Variants in DMRT3 observed in about 807,000 individuals in gnomAD.
DMRT3 encodes the protein doublesex- and mab-3-related transcription factor 3.
A neutral mutation model predicts 34.9 loss-of-function variants in DMRT3; 29 were observed. The ratio of observed to expected loss-of-function variants is 0.83; its 90% CI spans 0.62 to 1.13. DMRT3 has a LOEUF of 1.13. Ranked by LOEUF, DMRT3 falls within the 50% of genes most tolerant of loss-of-function variation. DMRT3 has a pLI of 0.00. For synonymous variants in DMRT3, 350 were observed against 286.0 expected (o/e 1.22, Z -2.26); for missense variants, 772 against 629.1 (o/e 1.23, Z -2.43).
At position 990,558 on chromosome 9, in the gene DMRT3, G is replaced by C; in HGVS notation, c.972G>C (p.Ser324=). 1 of 1,613,970 alleles carries C rather than the reference G, an allele frequency of 6.2e-7. No homozygotes were observed. The part of the protein sequence containing the change: ...FEHTLSSYPI[S]SSKWSVGSAF... ...ACACCTTGAGCTCCTACCCCATCTC[G>C]TCTTCCAAATGGTCTGTGGGATCAG... The change falls in exon 2 of 2, where the codon TCG becomes TCC. Residue 324 remains serine (S), a synonymous_variant. Transcript: ENST00000190165.
intron 1 of DMRT3, among the ~76,000 whole-genome samples, chr9:979,585 G>T (rs279886): frequency 0.79 from 120,104 of 151,870 alleles, 47,634 homozygotes; most frequent in South Asian, 0.87. Context: ...TTCACTTGCT[G>T]TGACCCCATA....
chr9:980,335 C>G (rs1172362209), intron 1 of DMRT3, among the ~76,000 whole-genome samples: 2 of 151,924 alleles, frequency 1.3e-5, no homozygotes, highest in African/African-American at 2.4e-5. Context: ...GTTGAATATC[C>G]CTTTCAATGT....
At position 991,205 on chromosome 9, in the gene DMRT3, T is replaced by C; in HGVS notation, c.*200T>C. On this transcript the variant is annotated 3_prime_UTR_variant, in exon 2 of 2. Transcript: ENST00000190165. ...TGGAAAATGCCAAATAGCTCTGTTC[T>C]GTGGCTTTAGTGCTGAATGTTTATT... 1 of 622,418 alleles carries C rather than the reference T, an allele frequency of 1.6e-6. No individual in the cohort carries two copies. Among genetic ancestry groups the C allele is most frequent in the South Asian group, 2.4e-5 (1 of 41,830 alleles). The allele number at this position is 622,418 out of a possible 1,614,324, so 38.6% of individuals were successfully genotyped here. A position where few individuals can be genotyped will look rare whatever the true frequency, so the allele number is the denominator to read the frequency against.
chr9:978,649 G>GT (rs1436581254), intron 1 of DMRT3, among the ~76,000 whole-genome samples: 2 of 152,204 alleles, frequency 1.3e-5, no homozygotes, highest in Non-Finnish European at 2.9e-5. Flanking sequence ...GGACTCACCT[G>GT]TTTCATGGTG....
At chr9:982,920 G>A (rs1820239763) in intron 1 of DMRT3, among the ~76,000 whole-genome samples, 1 of 152,076 alleles carries the variant, frequency 6.6e-6, no homozygotes, top group Non-Finnish European at 1.5e-5. Flanking sequence ...GGACCTCCTT[G>A]TCTAGTCCTG....
In DMRT3 at chr9:990,991, A is replaced by C; in HGVS notation, c.1405A>C (p.Asn469His). The change falls in exon 2 of 2, where the codon AAC becomes CAC. Residue 469 changes from asparagine (N) to histidine (H), a missense_variant. Coordinates refer to ENST00000190165, the MANE Select transcript of DMRT3 (RefSeq NM_021240.4). ...RSDSSDSRTL[N>H]TSS ...TGACTCCTCAGACTCTAGAACACTC[A>C]ACACATCATCTTAAAGTGGTGCTGG... is the stretch of plus-strand genomic sequence containing the variant. 6.2e-7 allele frequency: 1 copy of C among 1,610,760 alleles called. No homozygotes were observed. The highest frequency in any genetic ancestry group is 8.5e-7 in the Non-Finnish European group (1 of 1,177,400).
At chr9:987,956 C>T (rs755213648) in intron 1 of DMRT3, among the ~76,000 whole-genome samples, 2 of 152,070 alleles carry the variant, frequency 1.3e-5, no homozygotes, top group Non-Finnish European at 2.9e-5. Flanking sequence ...ATGTATGGGT[C>T]ATGAGTCAGG....
At chr9:979,573 C>T (rs1048744674) in intron 1 of DMRT3, among the ~76,000 whole-genome samples, 1 of 152,114 alleles carries the variant, frequency 6.6e-6, no homozygotes, top group Non-Finnish European at 1.5e-5. Flanking sequence ...TTGTTTTCTT[C>T]TTTCACTTGC....
At position 986,276 on chromosome 9, in the gene DMRT3, T is replaced by A. The variant is rs115447202; in HGVS notation, c.455-3765T>A. 5.6e-3 allele frequency among the ~76,000 whole-genome samples: 855 copies of A among 152,322 alleles called. 6 individuals are homozygous for A. The highest frequency in any genetic ancestry group is 0.019 in the African/African-American group (806 of 41,576). On this transcript the variant is annotated intron_variant, in intron 1 of 1. Transcript: ENST00000190165. The stretch of plus-strand genomic sequence containing the variant: ...AGAGTGGAATTTTATATTGTCAGAC[T>A]TGTAATCCTGGTATCAAGTATTCAG...
intron 1 of DMRT3, among the ~76,000 whole-genome samples, chr9:983,676 G>T (rs1289935637): frequency 6.6e-6 from 1 of 152,074 alleles, no homozygotes; most frequent in East Asian, 1.9e-4. Context: ...TAGATTTGTA[G>T]GTAATTTCCC....
At chr9:989,093 T>TC (rs1820318982) in intron 1 of DMRT3, among the ~76,000 whole-genome samples, 3 of 152,314 alleles carry the variant, frequency 2.0e-5, no homozygotes, top group East Asian at 3.9e-4. Context: ...AGCCTTTTTT[T>TC]CCCTCCTTCT....
At chr9:985,020 C>T (rs1036756526) in intron 1 of DMRT3, among the ~76,000 whole-genome samples, 2 of 152,004 alleles carry the variant, frequency 1.3e-5, no homozygotes, top group Non-Finnish European at 2.9e-5. Flanking sequence ...ATTTTGAAGT[C>T]GGTAGCATTG....
intron 1 of DMRT3, among the ~76,000 whole-genome samples, chr9:983,911 T>G (rs557071468): frequency 6.6e-6 from 1 of 151,566 alleles, no homozygotes; most frequent in Non-Finnish European, 1.5e-5. Flanking sequence ...ATGGCTAGTT[T>G]TTTTTTTTTT....
intron 1 of DMRT3, chr9:989,728 GCTCT>G (rs1017964358): frequency 2.0e-5 from 4 of 202,066 alleles, no homozygotes; most frequent in Non-Finnish European, 4.0e-5. Context: ...TCCCAAAGAG[GCTCT>G]CTATTGAGAT....
chr9:985,994 C>A (rs1302379254), intron 1 of DMRT3, among the ~76,000 whole-genome samples: 1 of 152,232 alleles, frequency 6.6e-6, no homozygotes, highest in Non-Finnish European at 1.5e-5. Context: ...TAGCTTTTCT[C>A]ATATTTTGGC....
rs184855168 is a variant in DMRT3, at chr9:980,062, C to G, written c.454+2607C>G. Among the ~76,000 whole-genome samples, 17 of 150,970 alleles carry G rather than the reference C, an allele frequency of 1.1e-4. 1 individual carries two copies. Among genetic ancestry groups the G allele is most frequent in the Admixed American group, 9.3e-4 (14 of 15,134 alleles). Reference sequence around the variant, plus strand: ...TTAGTCTTTTTGCGGGGCAAAGGACCTCTTTAATACATAAGCTGTGAAGAG... The same window carrying G: ...TTAGTCTTTTTGCGGGGCAAAGGACGTCTTTAATACATAAGCTGTGAAGAG... On this transcript the variant is annotated intron_variant, in intron 1 of 1. Transcript: ENST00000190165.
chr9:988,720 A>G (rs2130073094), intron 1 of DMRT3, among the ~76,000 whole-genome samples: 1 of 152,302 alleles, frequency 6.6e-6, no homozygotes, highest in African/African-American at 2.4e-5. Flanking sequence ...AGAGAAGGCA[A>G]CAATGAAGCT....
In DMRT3 at chr9:977,525, A is replaced by C. The variant is rs1287908661; in HGVS notation, c.454+70A>C. 4.2e-6 allele frequency: 5 copies of C among 1,193,244 alleles called. No individual in the cohort carries two copies. In the South Asian group the frequency reaches 1.1e-4, roughly 27 times the overall value. 73.9% of individuals were successfully genotyped at this position (1,193,244 alleles called of 1,614,324 possible). ...ACTTCGGAGTGCCAGCTGCAGCTCC[A>C]CTTGGGAGGACTGGAGGCAAAGTTT... On this transcript the variant is annotated intron_variant, in intron 1 of 1. Transcript: ENST00000190165.
chr9:990,449 G>C lies in DMRT3; in HGVS notation c.863G>C (p.Ser288Thr), dbSNP rs1820343289. 6.2e-7 allele frequency: 1 copy of C among 1,614,164 alleles called. No homozygotes were observed. Reference protein sequence around the residue: ...LVSAVEVLLSSRSSVTGAERT... With the variant: ...LVSAVEVLLSTRSSVTGAERT... ...AGCGCCGTGGAAGTCCTTCTGTCCA[G>C]CCGATCCTCAGTCACGGGAGCAGAG... Residue 288 changes from serine to threonine, a missense_variant, in exon 2 of 2, where the codon AGC becomes ACC. Ser to Thr is a moderately conservative substitution (Grantham distance 58). Transcript: ENST00000190165.
Sources: allele counts gnomAD v4.1 joint callset (sites outside exome capture counted in the v4.1 genomes callset), GRCh38; gene constraint gnomAD v4.1.1; transcripts MANE v1.5; gene names NCBI Gene and HGNC (gene_info 2026-07-23, HGNC 2026-07-21).